ACAN: variants seen among roughly 807,000 people sequenced by gnomAD.
The protein encoded by ACAN is aggrecan.
ACAN carries 47 observed loss-of-function variants against 169.1 expected under a neutral mutation model. The observed-to-expected ratio is 0.28, with a 90% confidence interval of 0.22 to 0.35. The LOEUF (loss-of-function observed/expected upper bound fraction) is 0.35. ACAN is among the 10% of genes least tolerant of loss of function. The probability of loss-of-function intolerance (pLI) is 1.00; values close to 1 mark genes in which losing one functional copy is unlikely to be tolerated. For synonymous variants in ACAN, 1,115 were observed against 1,112.2 expected, an observed-to-expected ratio of 1.00 and a Z score of -0.05; for missense variants, 2,716 against 2,759.9, an observed-to-expected ratio of 0.98 and a Z score of 0.36.
Position 88,836,272 on chromosome 15 carries a change from T to A in ACAN, c.66T>A (p.Thr22=). 1.2e-6 allele frequency: 2 copies of A among 1,613,314 alleles called. No individual in the cohort carries two copies. Among genetic ancestry groups the A allele is most frequent in the South Asian group, 2.2e-5 (2 of 90,940 alleles). Residue 22 remains threonine, a synonymous_variant, in exon 2 of 19, where the codon ACT becomes ACA. Transcript: ENST00000560601. ...TCACTGCAGCTGTCACTGTAGAAACTTCAGGTGAGGACATTCCTATACATG... is the reference window on the plus strand; with the variant it reads ...TCACTGCAGCTGTCACTGTAGAAACATCAGGTGAGGACATTCCTATACATG... ...RVITAAVTVE[T]SDHDNSLSVS...
chr15:88,826,146 C>CG (rs1336954056), intron 1 of ACAN, among the ~76,000 whole-genome samples: 1 of 152,142 alleles, frequency 6.6e-6, no homozygotes, highest in African/African-American at 2.4e-5. Flanking sequence ...CAGCTCACGT[C>CG]GGGGGGCTCT....
At position 88,860,453 on chromosome 15, in the gene ACAN, T is replaced by C. The variant is rs1233296023; in HGVS notation, c.6946+14T>C. 8 of 1,607,952 alleles carry C rather than the reference T, an allele frequency of 5.0e-6. No homozygotes were observed. The highest frequency in any genetic ancestry group is 6.8e-6 in the Non-Finnish European group (8 of 1,175,626). ...ACTGTAACATAGGTAAGGCCCTCAT[T>C]GGCCGTGGAGAGTGAGGGCGGAGGC... On this transcript the variant is annotated intron_variant, in intron 13 of 18. Transcript: ENST00000560601.
chr15:88,852,330 G>A (rs796497811), intron 11 of ACAN, among the ~76,000 whole-genome samples: 1 of 152,154 alleles, frequency 6.6e-6, no homozygotes, highest in African/African-American at 2.4e-5. Context: ...TGATGAGAGG[G>A]CCCTCAGTTA....
chr15:88,848,702 G>A (rs904188020), intron 9 of ACAN, among the ~76,000 whole-genome samples: 2 of 151,930 alleles, frequency 1.3e-5, no homozygotes, highest in South Asian at 2.1e-4. Context: ...TCCACTGAAC[G>A]CAATTTTGGA....
Position 88,849,405 on chromosome 15 carries a change from G to T in ACAN, c.1733-33G>T. The T allele has an allele frequency of 6.5e-7, 1 of 1,530,282 alleles. No homozygotes were observed. Among genetic ancestry groups the T allele is most frequent in the South Asian group, 1.3e-5 (1 of 78,118 alleles). The allele number at this position is 1,530,282 out of a possible 1,614,324, so 94.8% of individuals were successfully genotyped here. On this transcript the variant is annotated intron_variant, in intron 9 of 18. Transcript: ENST00000560601. This position sits in a 1 kb window ranked among gnomAD's most constrained non-coding sequence, Gnocchi z 5.1. ...GGATGGACCTGGCCTGAGTGTGGGG[G>T]GGTCATATTCTACCCCTTGCCTCTG...
Position 88,849,685 on chromosome 15 carries a change from G to A in ACAN, c.1980G>A (p.Thr660=), listed in dbSNP as rs769101937. The change falls in exon 10 of 19, where the codon ACG becomes ACA. Residue 660 remains threonine, a synonymous_variant. Coordinates refer to ENST00000560601, the MANE Select transcript of ACAN (RefSeq NM_001369268.1). The surrounding 1 kb of genome is among the most constrained non-coding windows in gnomAD (Gnocchi z 5.1). The stretch of plus-strand genomic sequence containing the variant: ...CGGTCTACCTCTACCCTAACCAGAC[G>A]GGCCTCCCAGACCCACTGTCCCGGC... ...VRTVYLYPNQ[T]GLPDPLSRHH... 8.1e-6 allele frequency: 13 copies of A among 1,613,670 alleles called. No homozygotes were observed. In the East Asian group the frequency reaches 2.0e-4, roughly 25 times the overall value.
intron 1 of ACAN, among the ~76,000 whole-genome samples, chr15:88,819,736 A>G (rs1043714351): frequency 1.3e-5 from 2 of 152,124 alleles, no homozygotes; most frequent in Admixed American, 1.3e-4. Context: ...ACTGCACTCC[A>G]GCCTGGGTGA....
chr15:88,841,933 T>C, intron 5 of ACAN, 66 bp downstream of exon 5: 1 of 1,596,644 alleles, frequency 6.3e-7, no homozygotes, highest in South Asian at 1.1e-5. Flanking sequence ...CCTCCCCATC[T>C]CCCCACTGAC....
Position 88,874,688 on chromosome 15 carries a change from C to A in ACAN, c.*207C>A. 1.5e-6 allele frequency: 1 copy of A among 664,444 alleles called. No homozygotes were observed. 41.2% of individuals were successfully genotyped at this position (664,444 alleles called of 1,614,324 possible). A position where few individuals can be genotyped will look rare whatever the true frequency, so the allele number is the denominator to read the frequency against. ...CCGCATCTAATTTGTCCGCCGAATGCCAAAGCAAAGCAAACTTATTATAAC... is the reference window on the plus strand; with the variant it reads ...CCGCATCTAATTTGTCCGCCGAATGACAAAGCAAAGCAAACTTATTATAAC... On this transcript the variant is annotated 3_prime_UTR_variant, in exon 19 of 19. Coordinates refer to ENST00000560601, the MANE Select transcript of ACAN (RefSeq NM_001369268.1). This position sits in a 1 kb window ranked among gnomAD's most constrained non-coding sequence, Gnocchi z 7.3.
chr15:88,868,460 G>T lies in ACAN; in HGVS notation c.7060+131G>T. The T allele has an allele frequency of 1.7e-6, 1 of 581,744 alleles. No homozygotes were observed. The highest frequency in any genetic ancestry group is 3.1e-6 in the Non-Finnish European group (1 of 327,676). The allele number at this position is 581,744 out of a possible 1,614,324, so 36.0% of individuals were successfully genotyped here. On this transcript the variant is annotated intron_variant, in intron 14 of 18. Transcript: ENST00000560601. The surrounding 1 kb of genome is among the most constrained non-coding windows in gnomAD (Gnocchi z 5.2). ...GAGGTTCATCTGGAGAGCCATTTCA[G>T]GGGCCACAACTGAAAATTCTGCCCC...
rs755348103 is a variant in ACAN at position 88,848,063 on chromosome 15, G to C, written c.1732+25G>C. 1.9e-6 allele frequency: 3 copies of C among 1,610,068 alleles called. No individual in the cohort carries two copies. The African/African-American group carries it at 4.0e-5, about 21-fold the overall frequency. ...GGTACAAGCCACATTCTCACATTTC[G>C]GGCCCTAGATGGGCAGGGGGTGGGC... On this transcript the variant is annotated intron_variant, in intron 9 of 18. Transcript: ENST00000560601.
At position 88,866,385 on chromosome 15, in the gene ACAN, GC is replaced by G. The variant is rs1567192005; in HGVS notation, c.6947-1830del. ...GACGCTAATGGATAAAAGAGAACAGGCAGGAGAGCCGCCCCCAGCTTCCGCC... is the reference window on the plus strand; with the variant it reads ...GACGCTAATGGATAAAAGAGAACAGGAGGAGAGCCGCCCCCAGCTTCCGCC... On this transcript the variant is annotated intron_variant, in intron 13 of 18. Coordinates refer to ENST00000560601, the MANE Select transcript of ACAN (RefSeq NM_001369268.1). The surrounding 1 kb of genome is among the most constrained non-coding windows in gnomAD (Gnocchi z 5.6). Among the ~76,000 whole-genome samples the G allele has an allele frequency of 6.6e-6, 1 of 152,162 alleles. No individual in the cohort carries two copies. The highest frequency in any genetic ancestry group is 2.4e-5 in the African/African-American group (1 of 41,436).
Position 88,849,626 on chromosome 15 carries a change from C to G in ACAN, c.1921C>G (p.Pro641Ala). The change falls in exon 10 of 19, where the codon CCT (proline) becomes GCT (alanine). Residue 641 changes from proline to alanine, a missense_variant. By Grantham distance (27) the Pro-to-Ala change is conservative. Transcript: ENST00000560601. The surrounding 1 kb of genome is among the most constrained non-coding windows in gnomAD (Gnocchi z 5.1). ...SLRYPIVTPR[P>A]ACGGDKPGVR... ...CCGCTACCCCATCGTCACCCCAAGG[C>G]CTGCCTGCGGTGGGGACAAGCCAGG... The G allele has an allele frequency of 1.9e-6, 3 of 1,612,590 alleles. No individual in the cohort carries two copies. The highest frequency in any genetic ancestry group is 2.5e-6 in the Non-Finnish European group (3 of 1,179,542).
At position 88,858,003 on chromosome 15, in the gene ACAN, T is replaced by G. The variant is rs368893175; in HGVS notation, c.5418T>G (p.Ser1806Arg). Residue 1806 changes from serine to arginine, a missense_variant, in exon 12 of 19, where the codon AGT becomes AGG. Physicochemically the swap from Ser to Arg is moderately radical, Grantham distance 110. This residue lies in a region of ACAN where 1,389 missense variants were observed against 1,363.7 expected (regional missense o/e 1.02). Transcript: ENST00000560601. This position sits in a 1 kb window ranked among gnomAD's most constrained non-coding sequence, Gnocchi z 4.0. ...AGCCTTCAGGGTTACCAGGGTTCAG[T>G]GGGGCAACATCAGGAGTCCCTGACC... ...SGQPSGLPGF[S>R]GATSGVPDLV... 24 of 1,613,812 alleles carry G rather than the reference T, an allele frequency of 1.5e-5. No homozygotes were observed. The highest frequency in any genetic ancestry group is 1.9e-5 in the Non-Finnish European group (23 of 1,179,880).
At position 88,869,652 on chromosome 15, in the gene ACAN, G is replaced by C. The variant is rs562007837; in HGVS notation, c.7060+1323G>C. Among the ~76,000 whole-genome samples, 2 of 152,156 alleles carry C rather than the reference G, an allele frequency of 1.3e-5. No individual in the cohort carries two copies. Among genetic ancestry groups the C allele is most frequent in the African/African-American group, 4.8e-5 (2 of 41,418 alleles). ...GTTCCAGACTGGAAAAGTGGGCTCT[G>C]CTGGAATGGAGGCAGGACCCTCACA... On this transcript the variant is annotated intron_variant, in intron 14 of 18. Coordinates refer to ENST00000560601, the MANE Select transcript of ACAN (RefSeq NM_001369268.1). This position sits in a 1 kb window ranked among gnomAD's most constrained non-coding sequence, Gnocchi z 4.2.
At position 88,845,897 on chromosome 15, in the gene ACAN, G is replaced by A. The variant is rs762554069; in HGVS notation, c.1429+15G>A. ...TTTGCCAGGGGGTAAGTAGCTGCCC[G>A]TGGGTGCATCCAGGGGCAGGTGGAG... On this transcript the variant is annotated intron_variant, in intron 7 of 18. Coordinates refer to ENST00000560601, the MANE Select transcript of ACAN (RefSeq NM_001369268.1). The A allele has an allele frequency of 6.9e-5, 99 of 1,445,142 alleles. No homozygotes were observed. The Middle Eastern group carries it at 1.6e-3, about 23-fold the overall frequency. 89.5% of individuals were successfully genotyped at this position (1,445,142 alleles called of 1,614,324 possible). A position where few individuals can be genotyped will look rare whatever the true frequency, so the allele number is the denominator to read the frequency against.
intron 1 of ACAN, among the ~76,000 whole-genome samples, chr15:88,831,623 A>T (rs1042891342): frequency 7.2e-5 from 11 of 152,250 alleles, no homozygotes; most frequent in African/African-American, 2.4e-4. Context: ...TGTGAAGTTC[A>T]TTAATGCTGG....
intron 10 of ACAN, chr15:88,850,934 A>G (rs927991725): frequency 6.9e-6 from 1 of 145,126 alleles, no homozygotes; most frequent in Non-Finnish European, 1.5e-5. Context: ...GCAGAGCAAG[A>G]CTCTGTCTCA....
Position 88,807,279 on chromosome 15 carries a change from G to A in ACAN, c.-8+3470G>A, listed in dbSNP as rs1410492973. On this transcript the variant is annotated intron_variant, in intron 1 of 18. Transcript: ENST00000560601. This position sits in a 1 kb window ranked among gnomAD's most constrained non-coding sequence, Gnocchi z 4.0. The stretch of plus-strand genomic sequence containing the variant: ...TATAAGTAGAGCAGGGGAGGGGACA[G>A]GCCAGCAGCTGCCCTGGGAAAGGGG... Among the ~76,000 whole-genome samples the A allele has an allele frequency of 6.6e-6, 1 of 152,180 alleles. No homozygotes were observed. Among genetic ancestry groups the A allele is most frequent in the African/African-American group, 2.4e-5 (1 of 41,456 alleles).
Sources: gnomAD v4.1 joint callset for allele counts (sites outside exome capture counted in the v4.1 genomes callset) on GRCh38, gnomAD v4.1.1 for gene constraint, gnomAD v4.1.1 regional missense constraint, Gnocchi (gnomAD v3.1) non-coding constraint, MANE v1.5 for transcripts, NCBI Gene and HGNC (gene_info 2026-07-23, HGNC 2026-07-21) for gene names.